The following GNA14 variants were observed in gnomAD, a reference collection of about 807,000 sequenced individuals.
The protein encoded by GNA14 is guanine nucleotide-binding protein subunit alpha-14.
A neutral mutation model predicts 42.0 loss-of-function variants in GNA14; 50 were observed. That is an observed-to-expected ratio of 1.19 (90% CI 0.95 to 1.51). GNA14 has a LOEUF of 1.51. GNA14 is among the 40% of genes most tolerant of loss of function. The pLI is 0.00. For synonymous variants in GNA14, 173 were observed against 163.1 expected (o/e 1.06, Z -0.46); for missense variants, 473 against 446.2 (o/e 1.06, Z -0.54).
At chr9:77,516,772 C>A (rs1207353138) in intron 2 of GNA14, among the ~76,000 whole-genome samples, 2 of 152,138 alleles carry the variant, frequency 1.3e-5, no homozygotes, top group Non-Finnish European at 2.9e-5. Flanking sequence ...AGGTCTTGAC[C>A]TGGCATGGGG....
At chr9:77,646,245 G>T (rs955593580) in intron 1 of GNA14, among the ~76,000 whole-genome samples, 1 of 152,194 alleles carries the variant, frequency 6.6e-6, no homozygotes, top group Non-Finnish European at 1.5e-5. Context: ...CCAGCAAACA[G>T]CTGCCCCTTT....
At chr9:77,432,783 T>C (rs1418664031) in intron 3 of GNA14, among the ~76,000 whole-genome samples, 2 of 152,120 alleles carry the variant, frequency 1.3e-5, no homozygotes, top group Non-Finnish European at 2.9e-5. Context: ...GGTGGATCTT[T>C]TCCAAATGGA....
chr9:77,492,431 AAGAG>A (rs1161336795), intron 2 of GNA14, among the ~76,000 whole-genome samples: 4 of 152,096 alleles, frequency 2.6e-5, no homozygotes, highest in Non-Finnish European at 4.4e-5. Flanking sequence ...TTAAGAAAAA[AAGAG>A]AGAGAGAAGA....
At chr9:77,641,585 G>A (rs1824268495) in intron 1 of GNA14, among the ~76,000 whole-genome samples, 1 of 151,982 alleles carries the variant, frequency 6.6e-6, no homozygotes, top group Non-Finnish European at 1.5e-5. Context: ...AAAAAAAAAG[G>A]GAGAGGGGAC....
At chr9:77,580,736 G>A (rs994274049) in intron 1 of GNA14, 19 of 218,560 alleles carry the variant, frequency 8.7e-5, no homozygotes, top group East Asian at 6.9e-4. Context: ...GCAGGGCCAC[G>A]ATGGGAGTGT....
intron 2 of GNA14, among the ~76,000 whole-genome samples, chr9:77,470,981 T>A (rs1411525390): frequency 6.6e-6 from 1 of 152,016 alleles, no homozygotes; most frequent in Non-Finnish European, 1.5e-5. Context: ...TCCCCAACAT[T>A]GGGAGTTACA....
intron 2 of GNA14, among the ~76,000 whole-genome samples, chr9:77,491,278 CT>C: frequency 6.6e-6 from 1 of 152,300 alleles, no homozygotes; most frequent in African/African-American, 2.4e-5. Flanking sequence ...ATAAAATCCA[CT>C]GATAAAATTA....
intron 2 of GNA14, among the ~76,000 whole-genome samples, chr9:77,458,116 G>A (rs942886508): frequency 6.6e-6 from 1 of 152,150 alleles, no homozygotes; most frequent in East Asian, 1.9e-4. Context: ...GGGCACTCCA[G>A]ATTTCCCAAG....
At chr9:77,447,989 A>G (rs185797845) in intron 2 of GNA14, among the ~76,000 whole-genome samples, 2 of 152,292 alleles carry the variant, frequency 1.3e-5, no homozygotes, top group Admixed American at 1.3e-4. Flanking sequence ...CTTTTACTAC[A>G]TTGGTTTCTA....
chr9:77,427,248 T>C (rs1835467811), intron 5 of GNA14, among the ~76,000 whole-genome samples: 1 of 152,096 alleles, frequency 6.6e-6, no homozygotes, highest in Non-Finnish European at 1.5e-5. Flanking sequence ...TTGAGTTTCC[T>C]GAGGAACGTC....
chr9:77,625,955 G>A (rs1824006647), intron 1 of GNA14, among the ~76,000 whole-genome samples: 1 of 151,914 alleles, frequency 6.6e-6, no homozygotes, highest in African/African-American at 2.4e-5. Flanking sequence ...TGGATAAAGA[G>A]CCAAGACCCC....
intron 1 of GNA14, among the ~76,000 whole-genome samples, chr9:77,643,015 G>A (rs574619180): frequency 5.3e-5 from 8 of 152,066 alleles, no homozygotes; most frequent in Non-Finnish European, 8.8e-5. Context: ...CCCCCTTTAC[G>A]CTCTGCCTGT....
intron 5 of GNA14, among the ~76,000 whole-genome samples, chr9:77,426,429 C>A (rs1564010322): frequency 6.6e-6 from 1 of 152,092 alleles, no homozygotes; most frequent in Non-Finnish European, 1.5e-5. Flanking sequence ...CTCAGCCTCC[C>A]GAGTGGCTGG....
chr9:77,466,821 G>A (rs1423327452), intron 2 of GNA14, among the ~76,000 whole-genome samples: 1 of 152,134 alleles, frequency 6.6e-6, no homozygotes. Flanking sequence ...GGGACTCTGT[G>A]TGACTAACTC....
chr9:77,490,673 C>T (rs982772414), intron 2 of GNA14, among the ~76,000 whole-genome samples: 11 of 152,210 alleles, frequency 7.2e-5, no homozygotes, highest in South Asian at 2.1e-4. Context: ...CCGGCCGCTC[C>T]GAGTGCGGGG....
chr9:77,619,368 A>C (rs191994442), intron 1 of GNA14, among the ~76,000 whole-genome samples: 1 of 152,020 alleles, frequency 6.6e-6, no homozygotes, highest in East Asian at 1.9e-4. Flanking sequence ...CATCCAGCTA[A>C]TTTTGTATTT....
At chr9:77,431,592 C>G (rs1160446928) in intron 3 of GNA14, 143 bp from the exon 4 acceptor site, 2 of 658,188 alleles carry the variant, frequency 3.0e-6, no homozygotes, top group African/African-American at 3.6e-5. Context: ...AGAGCCAGTG[C>G]CAGGCCAGGC....
chr9:77,542,829 C>A (rs553653935), intron 1 of GNA14, among the ~76,000 whole-genome samples: 6 of 152,298 alleles, frequency 3.9e-5, no homozygotes, highest in Middle Eastern at 3.4e-3. Flanking sequence ...GATCCCAGGC[C>A]CCTGATGGCA....
chr9:77,444,586 C>T (rs1835784863), intron 2 of GNA14, among the ~76,000 whole-genome samples: 1 of 152,234 alleles, frequency 6.6e-6, no homozygotes, highest in Non-Finnish European at 1.5e-5. Context: ...TTCTCCTTAA[C>T]TGCCAGCCTG....
Sources: gnomAD v4.1 joint callset for allele counts (sites outside exome capture counted in the v4.1 genomes callset) on GRCh38, gnomAD v4.1.1 for gene constraint, MANE v1.5 for transcripts, NCBI Gene and HGNC (gene_info 2026-07-23, HGNC 2026-07-21) for gene names.